ASCC3: variants seen among roughly 807,000 people sequenced by gnomAD.
The protein encoded by ASCC3 is ASC-1 complex subunit P200.
Under a neutral mutation model 256.3 loss-of-function variants are expected in ASCC3, and 158 were observed. The ratio of observed to expected loss-of-function variants is 0.62; its 90% CI spans 0.54 to 0.70. ASCC3 has a LOEUF of 0.70. Among genes scored for constraint, ASCC3 ranks in the 30% least tolerant of loss-of-function variants. The pLI, the probability that ASCC3 is intolerant of heterozygous loss-of-function variation, is 0.00. For missense variants in ASCC3, 2,259 were observed against 2,626.0 expected (o/e 0.86, Z 3.05); for synonymous variants, 948 against 883.4 (o/e 1.07, Z -1.30).
intron 3 of ASCC3, chr6:100,858,727 T>C: frequency 9.3e-7 from 1 of 1,069,776 alleles, no homozygotes; most frequent in African/African-American, 1.7e-5. Context: ...CCACTATATA[T>C]ACTGCAGTAT....
intron 5 of ASCC3, among the ~76,000 whole-genome samples, chr6:100,802,606 A>C (rs886129105): frequency 1.3e-5 from 2 of 151,596 alleles, no homozygotes; most frequent in African/African-American, 4.9e-5. Flanking sequence ...AAATTTATGG[A>C]ATCAACATAA....
chr6:100,586,617 C>T (rs1771702066), intron 36 of ASCC3, among the ~76,000 whole-genome samples: 1 of 152,160 alleles, frequency 6.6e-6, no homozygotes. Context: ...TCTGGCACTC[C>T]CTGGTGAGAT....
chr6:100,526,869 A>G (rs1039672383), intron 37 of ASCC3, among the ~76,000 whole-genome samples: 1 of 152,142 alleles, frequency 6.6e-6, no homozygotes, highest in African/African-American at 2.4e-5. Context: ...ATTAGATTTC[A>G]CCTTCATCTC....
chr6:100,545,083 A>C (rs1300375398), intron 36 of ASCC3, among the ~76,000 whole-genome samples: 1 of 152,240 alleles, frequency 6.6e-6, no homozygotes, highest in Non-Finnish European at 1.5e-5. Flanking sequence ...CAGAAAAAAA[A>C]AATCTGACAA....
chr6:100,836,397 T>G (rs1771876889), intron 4 of ASCC3, among the ~76,000 whole-genome samples: 1 of 152,154 alleles, frequency 6.6e-6, no homozygotes, highest in Admixed American at 6.5e-5. Context: ...ATATATTAGC[T>G]ATGTTATGTT....
chr6:100,647,101 AT>A (rs1775418045), intron 21 of ASCC3, 124 bp downstream of exon 21: 2 of 969,024 alleles, frequency 2.1e-6, no homozygotes, highest in African/African-American at 1.7e-5. Context: ...AATGAAAAAG[AT>A]TTATAAATAC....
intron 36 of ASCC3, among the ~76,000 whole-genome samples, chr6:100,561,971 G>A (rs535812192): frequency 3.3e-5 from 5 of 152,128 alleles, no homozygotes; most frequent in South Asian, 4.2e-4. Context: ...ACAAAACAAC[G>A]AATAGAACAT....
At chr6:100,648,701 C>T (rs990619519) in intron 20 of ASCC3, among the ~76,000 whole-genome samples, 1 of 151,814 alleles carries the variant, frequency 6.6e-6, no homozygotes, top group Non-Finnish European at 1.5e-5. Context: ...ATAGGTTTTC[C>T]TACCTCATTC....
At chr6:100,869,972 T>C (rs1773656341) in intron 1 of ASCC3, among the ~76,000 whole-genome samples, 1 of 152,164 alleles carries the variant, frequency 6.6e-6, no homozygotes, top group African/African-American at 2.4e-5. Flanking sequence ...AAGTTCTGAA[T>C]TTGTATGCAC....
At chr6:100,647,486 C>G in intron 20 of ASCC3, 35 bp from the exon 21 acceptor site, 1 of 1,552,168 alleles carries the variant, frequency 6.4e-7, no homozygotes. Flanking sequence ...GTGGTTATAC[C>G]CAATGTGCTT....
At chr6:100,565,393 C>G (rs141416548) in intron 36 of ASCC3, among the ~76,000 whole-genome samples, 1 of 151,990 alleles carries the variant, frequency 6.6e-6, no homozygotes, top group Non-Finnish European at 1.5e-5. Context: ...GAGTAATGAC[C>G]CAGCCATAAT....
intron 4 of ASCC3, among the ~76,000 whole-genome samples, chr6:100,845,992 GC>G (rs543115008): frequency 9.4e-4 from 143 of 152,190 alleles, no homozygotes; most frequent in Admixed American, 2.4e-3. Flanking sequence ...AGAGCACACA[GC>G]ATGCTACATA....
chr6:100,621,868 G>T (rs996746962), intron 30 of ASCC3, among the ~76,000 whole-genome samples: 2 of 152,190 alleles, frequency 1.3e-5, no homozygotes, highest in Non-Finnish European at 2.9e-5. Flanking sequence ...ACTGGATAAA[G>T]AAAATGTGGT....
chr6:100,799,491 G>C lies in ASCC3; in HGVS notation c.1209C>G (p.Pro403=), dbSNP rs1381237695. 2 of 1,612,978 alleles carry C rather than the reference G, an allele frequency of 1.2e-6. No individual in the cohort carries two copies. The highest frequency in any genetic ancestry group is 1.7e-6 in the Non-Finnish European group (2 of 1,179,518). The change falls in exon 7 of 42, where the codon CCC becomes CCG. Residue 403 remains proline, a synonymous_variant. Transcript: ENST00000369162. ...CTTCAGCCTGGGAATCATACACATG[G>C]GGATAATGTATTTTTTCAACGTCTG... ...RDADVEKIHY[P]HVYDSQAEAM... is the part of the protein sequence containing the mutation.
chr6:100,588,975 A>G (rs1771847417), intron 36 of ASCC3, among the ~76,000 whole-genome samples: 1 of 152,180 alleles, frequency 6.6e-6, no homozygotes, highest in Non-Finnish European at 1.5e-5. Context: ...ATGTGTTAAC[A>G]AAGTTTTGTG....
chr6:100,850,324 T>C (rs1007780898), intron 3 of ASCC3, among the ~76,000 whole-genome samples: 2 of 152,158 alleles, frequency 1.3e-5, no homozygotes, highest in African/African-American at 4.8e-5. Flanking sequence ...TTCTATATCA[T>C]ACTGATTCTT....
At chr6:100,655,491 A>C (rs1775871544) in intron 17 of ASCC3, among the ~76,000 whole-genome samples, 1 of 151,842 alleles carries the variant, frequency 6.6e-6, no homozygotes, top group Admixed American at 6.6e-5. Flanking sequence ...AGATTAACAT[A>C]AGTATTTGTA....
rs1331577497 is a variant in ASCC3, at chr6:100,805,833, G to T, written c.849C>A (p.Leu283=). Reference sequence around the variant, plus strand: ...CCACAATTGTAATTCTGTTCTGGAGGAGTTTCTCAATAAGTTCAAGTCCTT... The same window carrying T: ...CCACAATTGTAATTCTGTTCTGGAGTAGTTTCTCAATAAGTTCAAGTCCTT... ...GPEGLELIEK[L]LQNRITIVDR... The change falls in exon 5 of 42, where the codon CTC becomes CTA. Residue 283 remains leucine, a synonymous_variant. Transcript: ENST00000369162. 6.2e-7 allele frequency: 1 copy of T among 1,611,422 alleles called. No individual in the cohort carries two copies. The highest frequency in any genetic ancestry group is 8.5e-7 in the Non-Finnish European group (1 of 1,178,660).
At chr6:100,625,445 A>G (rs765732673) in intron 29 of ASCC3, 111 bp from the exon 30 acceptor site, 5 of 1,285,660 alleles carry the variant, frequency 3.9e-6, no homozygotes, top group South Asian at 1.2e-5. Context: ...CAATTTAGGC[A>G]TGAAATGTGG....
Sources: gnomAD v4.1 joint callset for allele counts (sites outside exome capture counted in the v4.1 genomes callset) on GRCh38, gnomAD v4.1.1 for gene constraint, MANE v1.5 for transcripts, NCBI Gene and HGNC (gene_info 2026-07-23, HGNC 2026-07-21) for gene names.